The following ASCC3 variants were observed in gnomAD, a reference collection of about 807,000 sequenced individuals.
ASCC3 encodes ASC-1 complex subunit P200.
In ASCC3, 158 loss-of-function variants were observed where a neutral mutation model predicts 256.3. The observed-to-expected ratio is 0.62, with a 90% CI of 0.54 to 0.70. The LOEUF is 0.70. ASCC3 is among the 30% of genes least tolerant of loss of function. The pLI is 0.00. For missense variants in ASCC3, 2,259 were observed against 2,626.0 expected (o/e 0.86, Z 3.05); for synonymous variants, 948 against 883.4 (o/e 1.07, Z -1.30).
At chr6:100,847,727 A>G (rs553484774) in intron 4 of ASCC3, among the ~76,000 whole-genome samples, 1 of 152,328 alleles carries the variant, frequency 6.6e-6, no homozygotes, top group Admixed American at 6.5e-5. Flanking sequence ...CTGAGAGATT[A>G]AGTTACCTAA....
intron 30 of ASCC3, among the ~76,000 whole-genome samples, chr6:100,612,242 T>G (rs1401638567): frequency 6.6e-6 from 1 of 152,028 alleles, no homozygotes; most frequent in Admixed American, 6.6e-5. Context: ...TACATTCCAG[T>G]CGAATATAAT....
intron 25 of ASCC3, among the ~76,000 whole-genome samples, chr6:100,635,178 G>C (rs1240489136): frequency 6.6e-6 from 1 of 151,726 alleles, no homozygotes; most frequent in Non-Finnish European, 1.5e-5. Context: ...TAAAGAAATT[G>C]TAATATATAT....
intron 16 of ASCC3, 132 bp from the exon 17 acceptor site, chr6:100,655,950 T>A: frequency 1.0e-6 from 1 of 986,460 alleles, no homozygotes; most frequent in Non-Finnish European, 1.6e-6. Flanking sequence ...GTAGGCATAG[T>A]GACTGGACAC....
At chr6:100,871,149 G>A (rs1314734493) in intron 1 of ASCC3, among the ~76,000 whole-genome samples, 1 of 151,670 alleles carries the variant, frequency 6.6e-6, no homozygotes, top group African/African-American at 2.4e-5. Flanking sequence ...AGGCTGGAGT[G>A]CAGTGGCGTG....
At position 100,509,191 on chromosome 6, in the gene ASCC3, G is replaced by T; in HGVS notation, c.*195C>A. On this transcript the variant is annotated 3_prime_UTR_variant, in exon 42 of 42. Transcript: ENST00000369162. ...AACTCATAAAGATAACATTATAAAA[G>T]GCAACATTTGTTAAAAGGCCACTGT... The T allele has an allele frequency of 1.5e-6, 1 of 654,570 alleles. No homozygotes were observed. Among genetic ancestry groups the T allele is most frequent in the Non-Finnish European group, 2.7e-6 (1 of 371,988 alleles). The allele number at this position is 654,570 out of a possible 1,614,324, so 40.5% of individuals were successfully genotyped here. A position where few individuals can be genotyped will look rare whatever the true frequency, so the allele number is the denominator to read the frequency against.
chr6:100,777,189 A>T (rs1035377268), intron 8 of ASCC3, among the ~76,000 whole-genome samples: 1 of 152,024 alleles, frequency 6.6e-6, no homozygotes, highest in Non-Finnish European at 1.5e-5. Context: ...AACTGGATAA[A>T]TTTTTTCATT....
chr6:100,749,488 A>G (rs914161368), intron 10 of ASCC3, among the ~76,000 whole-genome samples: 1 of 152,016 alleles, frequency 6.6e-6, no homozygotes, highest in Non-Finnish European at 1.5e-5. Flanking sequence ...ATTGTGGGGT[A>G]TGGAAATACT....
chr6:100,602,046 T>C, intron 33 of ASCC3, 111 bp from the exon 34 acceptor site: 1 of 1,143,234 alleles, frequency 8.7e-7, no homozygotes, highest in Non-Finnish European at 1.2e-6. Flanking sequence ...AAAAACAAAT[T>C]TGTTTTATAT....
intron 5 of ASCC3, among the ~76,000 whole-genome samples, chr6:100,803,266 T>C (rs1191216906): frequency 6.6e-6 from 1 of 151,990 alleles, no homozygotes; most frequent in Admixed American, 6.6e-5. Flanking sequence ...GTAATCCCCA[T>C]AATCCCCAGG....
chr6:100,604,321 GTGT>G lies in ASCC3; in HGVS notation c.5177+1244_5177+1246del, dbSNP rs990842647. 2.6e-3 allele frequency among the ~76,000 whole-genome samples: 398 copies of G among 151,720 alleles called. 4 individuals are homozygous for G. Among genetic ancestry groups the G allele is most frequent in the Non-Finnish European group, 1.8e-3 (121 of 67,882 alleles). ...ATCCTTTTAAAAGAACCAACTTTTG[GTGT>G]TGTTGATTTTTCTCTAGTTATGTTT... On this transcript the variant is annotated intron_variant, in intron 33 of 41. Transcript: ENST00000369162.
intron 36 of ASCC3, among the ~76,000 whole-genome samples, chr6:100,557,597 C>T (rs76953760): frequency 0.016 from 2,345 of 151,028 alleles, 24 homozygotes; most frequent in East Asian, 0.045. Context: ...TCAGCTTTTA[C>T]AGTTGCTGTT....
chr6:100,844,893 G>T (rs115282588), intron 4 of ASCC3, among the ~76,000 whole-genome samples: 1 of 152,040 alleles, frequency 6.6e-6, no homozygotes, highest in African/African-American at 2.4e-5. Flanking sequence ...TCTTAAACAG[G>T]TCTAAAACAG....
chr6:100,612,379 C>G (rs1229169530), intron 30 of ASCC3, among the ~76,000 whole-genome samples: 1 of 151,938 alleles, frequency 6.6e-6, no homozygotes, highest in Admixed American at 6.6e-5. Flanking sequence ...TGCTAAAAAC[C>G]CATACTTTCT....
chr6:100,584,671 C>T (rs1771541455), intron 36 of ASCC3, among the ~76,000 whole-genome samples: 2 of 151,852 alleles, frequency 1.3e-5, no homozygotes, highest in South Asian at 4.2e-4. Flanking sequence ...GCAGTTTCTT[C>T]CTAGTCTCGA....
intron 3 of ASCC3, among the ~76,000 whole-genome samples, chr6:100,862,078 C>T (rs930569470): frequency 2.0e-5 from 3 of 152,100 alleles, no homozygotes; most frequent in Admixed American, 2.0e-4. Context: ...ATTCTGGAGG[C>T]CTCAACATCT....
intron 4 of ASCC3, among the ~76,000 whole-genome samples, chr6:100,822,860 A>G (rs1328524217): frequency 6.6e-6 from 1 of 152,198 alleles, no homozygotes. Context: ...ATATCCTTAC[A>G]TATCTTAGCT....
Position 100,848,317 on chromosome 6 carries a change from T to G in ASCC3, c.632A>C (p.Glu211Ala). The G allele has an allele frequency of 6.2e-7, 1 of 1,614,124 alleles. No individual in the cohort carries two copies. ...NEHLQEACTP[E>A]LKPVEKTNGS... The stretch of plus-strand genomic sequence containing the variant: ...ATTTGTTTTTTCCACAGGCTTGAGT[T>G]CTGGGGTGCAAGCCTCCTGGAGATG... The change falls in exon 4 of 42, where the codon GAA (glutamate) becomes GCA (alanine). Residue 211 changes from glutamate (E) to alanine (A), a missense_variant. Physicochemically the swap from Glu to Ala is moderately radical, Grantham distance 107. Transcript: ENST00000369162.
At chr6:100,578,732 G>A (rs748408281) in intron 36 of ASCC3, among the ~76,000 whole-genome samples, 1 of 152,024 alleles carries the variant, frequency 6.6e-6, no homozygotes, top group Admixed American at 6.6e-5. Context: ...AAACATATGC[G>A]TGCATGTGTC....
intron 30 of ASCC3, among the ~76,000 whole-genome samples, chr6:100,613,049 T>A (rs544497522): frequency 1.3e-5 from 2 of 151,800 alleles, no homozygotes; most frequent in Non-Finnish European, 2.9e-5. Context: ...TTGGCTTAAT[T>A]CTTTTTTTCT....
Sources: allele counts gnomAD v4.1 joint callset (sites outside exome capture counted in the v4.1 genomes callset), GRCh38; gene constraint gnomAD v4.1.1; transcripts MANE v1.5; gene names NCBI Gene and HGNC (gene_info 2026-07-23, HGNC 2026-07-21).